Variants in PSG8 observed in about 807,000 individuals in gnomAD.
PSG8 encodes pregnancy specific beta-1-glycoprotein 8, also known as pregnancy-specific beta-1-glycoprotein 8.
PSG8 carries 57 observed loss-of-function variants against 42.5 expected under a neutral mutation model. The observed-to-expected ratio is 1.34, with a 90% CI of 1.08 to 1.67. PSG8 has a LOEUF of 1.67. PSG8 is among the 40% of genes most tolerant of loss of function. PSG8 has a pLI of 0.00. For missense variants in PSG8, 783 were observed against 518.6 expected, an observed-to-expected ratio of 1.51 and a Z score of -4.95; for synonymous variants, 280 against 196.8, an observed-to-expected ratio of 1.42 and a Z score of -3.54.
At chr19:42,759,091 T>C (rs1970008392) in intron 2 of PSG8, 1 of 152,050 alleles carries the variant, frequency 6.6e-6, no homozygotes, top group African/African-American at 2.4e-5. Flanking sequence ...TGTTTGCAAA[T>C]GCAGAACCGA....
At chr19:42,756,492 G>A (rs1229496506) in intron 3 of PSG8, among the ~76,000 whole-genome samples, 1 of 152,142 alleles carries the variant, frequency 6.6e-6, no homozygotes, top group African/African-American at 2.4e-5. Flanking sequence ...TGAAATATTT[G>A]TCATATACTT....
At position 42,760,958 on chromosome 19, in the gene PSG8, C is replaced by G. The variant is rs536051277; in HGVS notation, c.431-2678G>C. 7.9e-5 allele frequency among the ~76,000 whole-genome samples: 12 copies of G among 152,214 alleles called. No individual in the cohort carries two copies. The South Asian group carries it at 2.5e-3, about 32-fold the overall frequency. On this transcript the variant is annotated intron_variant, in intron 2 of 4. Coordinates refer to ENST00000306511, the MANE Select transcript of PSG8 (RefSeq NM_182707.3). ...AGTGTTAGAACCGAATGACAAATTT[C>G]AAGCTTGTTATATGCCTGACAGGAA...
intron 2 of PSG8, among the ~76,000 whole-genome samples, chr19:42,761,104 C>G (rs1249261305): frequency 6.6e-6 from 1 of 152,150 alleles, no homozygotes; most frequent in Non-Finnish European, 1.5e-5. Flanking sequence ...CTCTGACACC[C>G]TGGTGAGTCC....
rs776491877 is a variant in PSG8 at position 42,763,922 on chromosome 19, A to G, written c.424T>C (p.Leu142=). 16 of 1,613,568 alleles carry G rather than the reference A, an allele frequency of 9.9e-6. No homozygotes were observed. In the South Asian group the frequency reaches 1.8e-4, roughly 18 times the overall value. Residue 142 remains leucine, a synonymous_variant, in exon 2 of 5, where the codon TTA becomes CTA. Transcript: ENST00000306511. ...RGVTGHFTFT[L]YLETPKPSIS... is the part of the protein sequence containing the mutation. The stretch of plus-strand genomic sequence containing the variant: ...ATCATGTGGAATCACTCACGATATA[A>G]GGTGAAGGTGAAATGTCCAGTTACT...
Position 42,754,310 on chromosome 19 carries a change from C to A in PSG8, c.1266G>T (p.Leu422Phe). 4.3e-6 allele frequency: 7 copies of A among 1,613,582 alleles called. No homozygotes were observed. Among genetic ancestry groups the A allele is most frequent in the Non-Finnish European group, 5.9e-6 (7 of 1,179,720 alleles). ...KVSGKRIPVS[L>F]AIGI ...TAGACTCCACCTAAATCCCTATTGCCAAGGATACTGGGATCCGCTTACCAG... is the reference window on the plus strand; with the variant it reads ...TAGACTCCACCTAAATCCCTATTGCAAAGGATACTGGGATCCGCTTACCAG... The change falls in exon 5 of 5, where the codon TTG becomes TTT. Residue 422 changes from leucine to phenylalanine, a missense_variant. Transcript: ENST00000306511.
At chr19:42,755,324 C>T (rs1353460601) in intron 3 of PSG8, 58 bp from the exon 4 acceptor site, 9 of 1,587,712 alleles carry the variant, frequency 5.7e-6, no homozygotes, top group South Asian at 3.5e-5. Flanking sequence ...CCTCCACAGG[C>T]ATCCTTCAAT....
At position 42,765,508 on chromosome 19, in the gene PSG8, C is replaced by G. The variant is rs1445954405; in HGVS notation, c.64+10G>C. 2.5e-6 allele frequency: 4 copies of G among 1,610,242 alleles called. No individual in the cohort carries two copies. The highest frequency in any genetic ancestry group is 1.7e-5 in the Admixed American group (1 of 59,900). On this transcript the variant is annotated intron_variant, in intron 1 of 4. Coordinates refer to ENST00000306511, the MANE Select transcript of PSG8 (RefSeq NM_182707.3). ...TCCTCCTGTCCTCTCCCAGGAGGTTCTCTCCTCACCTGTGAGCAGGAGCCC... is the reference window on the plus strand; with the variant it reads ...TCCTCCTGTCCTCTCCCAGGAGGTTGTCTCCTCACCTGTGAGCAGGAGCCC...
At chr19:42,762,208 G>A (rs1267144852) in intron 2 of PSG8, among the ~76,000 whole-genome samples, 1 of 151,910 alleles carries the variant, frequency 6.6e-6, no homozygotes, top group African/African-American at 2.4e-5. Flanking sequence ...AGAATGAAGT[G>A]GGAGGAAGAT....
At chr19:42,761,645 C>A (rs1158246874) in intron 2 of PSG8, among the ~76,000 whole-genome samples, 1 of 151,962 alleles carries the variant, frequency 6.6e-6, no homozygotes, top group East Asian at 1.9e-4. Flanking sequence ...GATTCCATCA[C>A]CAAACAATCA....
chr19:42,760,286 A>G (rs1970040161), intron 2 of PSG8, among the ~76,000 whole-genome samples: 3 of 152,104 alleles, frequency 2.0e-5, no homozygotes, highest in Admixed American at 2.0e-4. Flanking sequence ...CAGTAAAACC[A>G]TCAGATAGCA....
chr19:42,754,044 A>G (rs1969846427), downstream of PSG8: 3 of 1,020,986 alleles, frequency 2.9e-6, no homozygotes, highest in East Asian at 5.8e-5. Context: ...GAATCAGCAA[A>G]TTTTCAAATG....
intron 1 of PSG8, 77 bp downstream of exon 1, chr19:42,765,441 C>T: frequency 1.3e-6 from 2 of 1,587,224 alleles, no homozygotes; most frequent in Non-Finnish European, 1.7e-6. Context: ...TTTTTTAGTA[C>T]CCCATACTCT....
At chr19:42,757,583 G>A (rs1969958582) in intron 3 of PSG8, among the ~76,000 whole-genome samples, 2 of 152,090 alleles carry the variant, frequency 1.3e-5, no homozygotes, top group Non-Finnish European at 2.9e-5. Context: ...AAATGGTGGG[G>A]GCATCCAGGC....
intron 1 of PSG8, 34 bp from the exon 2 acceptor site, chr19:42,764,315 G>A: frequency 6.3e-7 from 1 of 1,597,030 alleles, no homozygotes. Flanking sequence ...TCAATATTGA[G>A]AGCTATGTAT....
Position 42,764,250 on chromosome 19 carries a change from C to T in PSG8, c.96G>A (p.Thr32=), listed in dbSNP as rs370832692. The change falls in exon 2 of 5, where the codon ACG becomes ACA. Residue 32 remains threonine, a synonymous_variant. Coordinates refer to ENST00000306511, the MANE Select transcript of PSG8 (RefSeq NM_182707.3). The stretch of plus-strand genomic sequence containing the variant: ...GGGCTTCAATCGTGACTTGGGCAGT[C>T]GTGGGTGGGTTCCAGAAGTTTAAAA... The part of the protein sequence containing the change: ...ASLLNFWNPP[T]TAQVTIEAQP... 64 of 1,613,366 alleles carry T rather than the reference C, an allele frequency of 4.0e-5. No homozygotes were observed. The highest frequency in any genetic ancestry group is 5.3e-5 in the Non-Finnish European group (63 of 1,179,734).
rs144055035 is a variant in PSG8, at chr19:42,758,047, G to A, written c.664C>T (p.Pro222Ser). Reference sequence around the variant, plus strand: ...GGGTCACTGCGGCTGGCACTCACTGGGTTCCGTATTTCACATTCATAGGGT... The same window carrying A: ...GGGTCACTGCGGCTGGCACTCACTGAGTTCCGTATTTCACATTCATAGGGT... ...AGPYECEIRN[P>S]VSASRSDPFT... Residue 222 changes from proline to serine, a missense_variant, in exon 3 of 5, where the codon CCA (proline) becomes TCA (serine). Physicochemically the swap from Pro to Ser is moderately conservative, Grantham distance 74. Transcript: ENST00000306511. 5.6e-6 allele frequency: 9 copies of A among 1,614,026 alleles called. No homozygotes were observed. The highest frequency in any genetic ancestry group is 5.3e-5 in the African/African-American group (4 of 75,024).
intron 2 of PSG8, among the ~76,000 whole-genome samples, chr19:42,761,025 T>C (rs1445485897): frequency 6.6e-6 from 1 of 152,054 alleles, no homozygotes; most frequent in Non-Finnish European, 1.5e-5. Flanking sequence ...GTGAGCTCCA[T>C]AGCAGGTTGA....
Position 42,754,507 on chromosome 19 carries a change from C to G in PSG8, c.1069G>C (p.Asp357His), listed in dbSNP as rs373734899. The G allele has an allele frequency of 1.2e-6, 2 of 1,613,654 alleles. No homozygotes were observed. The highest frequency in any genetic ancestry group is 2.7e-5 in the African/African-American group (2 of 74,852). The change falls in exon 5 of 5, where the codon GAC (aspartate) becomes CAC (histidine). Residue 357 changes from aspartate to histidine, a missense_variant. Physicochemically the swap from Asp to His is moderately conservative, Grantham distance 81. Coordinates refer to ENST00000306511, the MANE Select transcript of PSG8 (RefSeq NM_182707.3). ...GEVLYLSCSA[D>H]SNPPAQYSWT... ...GAATACTGTGCCGGTGGGTTAGAGTCCGCAGAACAGGACAAGTAGAGGACT... is the reference window on the plus strand; with the variant it reads ...GAATACTGTGCCGGTGGGTTAGAGTGCGCAGAACAGGACAAGTAGAGGACT...
chr19:42,763,462 C>G (rs1009496781), intron 2 of PSG8, among the ~76,000 whole-genome samples: 1 of 152,174 alleles, frequency 6.6e-6, no homozygotes, highest in Non-Finnish European at 1.5e-5. Context: ...CAAGAAGCCA[C>G]AACCCAGCCC....
Sources: gnomAD v4.1 joint callset for allele counts (sites outside exome capture counted in the v4.1 genomes callset) on GRCh38, gnomAD v4.1.1 for gene constraint, MANE v1.5 for transcripts, NCBI Gene and HGNC (gene_info 2026-07-23, HGNC 2026-07-21) for gene names.